Variants in NPY observed in about 807,000 individuals in gnomAD.
NPY encodes the protein neuropeptide Y, also known as pro-neuropeptide Y.
Under a neutral mutation model 13.2 loss-of-function variants are expected in NPY, and 11 were observed. The ratio of observed to expected loss-of-function variants is 0.83; its 90% CI spans 0.52 to 1.38. The LOEUF is 1.38. Among genes scored for constraint, NPY ranks in the 40% most tolerant of loss-of-function variants. The pLI is 0.00. For missense variants in NPY, 109 were observed against 125.1 expected (o/e 0.87, Z 0.61); for synonymous variants, 51 against 55.6 (o/e 0.92, Z 0.37).
Position 24,291,649 on chromosome 7 carries a change from C to T in NPY, c.270-14C>T, listed in dbSNP as rs1372923934. 4 of 1,614,000 alleles carry T rather than the reference C, an allele frequency of 2.5e-6. No individual in the cohort carries two copies. Among genetic ancestry groups the T allele is most frequent in the Non-Finnish European group, 3.4e-6 (4 of 1,179,950 alleles). On this transcript the variant is annotated splice_polypyrimidine_tract_variant and intron_variant, in intron 3 of 3. Coordinates refer to ENST00000242152, the MANE Select transcript of NPY (RefSeq NM_000905.4). Reference sequence around the variant, plus strand: ...GCAGCTTTCCTTACATGCTTTGCTTCTTATGTTTTACAGGCTTGAAGACCC... The same window carrying T: ...GCAGCTTTCCTTACATGCTTTGCTTTTTATGTTTTACAGGCTTGAAGACCC...
At chr7:24,289,024 T>C (rs958938946) in intron 2 of NPY, among the ~76,000 whole-genome samples, 1 of 152,198 alleles carries the variant, frequency 6.6e-6, no homozygotes, top group Non-Finnish European at 1.5e-5. Context: ...GGCAATCTGC[T>C]GATTTTTTTT....
intron 3 of NPY, among the ~76,000 whole-genome samples, chr7:24,290,244 G>A (rs1787552271): frequency 6.6e-6 from 1 of 152,144 alleles, no homozygotes. Flanking sequence ...ATTGAGCTAA[G>A]GTTTTCTGGT....
rs530080542 is a variant in NPY, at chr7:24,291,742, G to A, written c.*55G>A. On this transcript the variant is annotated 3_prime_UTR_variant, in exon 4 of 4. Transcript: ENST00000242152. ...TCCTATTTTCAGCCCATATTTCATC[G>A]TGTAAAACGAGAATCCACCCATCCT... 13 of 1,606,512 alleles carry A rather than the reference G, an allele frequency of 8.1e-6. No individual in the cohort carries two copies. Among genetic ancestry groups the A allele is most frequent in the Admixed American group, 3.3e-5 (2 of 59,802 alleles).
Position 24,285,485 on chromosome 7 carries a change from C to A in NPY, c.188+57C>A. Reference sequence around the variant, plus strand: ...CGCCAGTGCCTGCACACCAGGAGATCCTGGGGATGTTAGGGAAAGGGATTG... The same window carrying A: ...CGCCAGTGCCTGCACACCAGGAGATACTGGGGATGTTAGGGAAAGGGATTG... On this transcript the variant is annotated intron_variant, in intron 2 of 3. Transcript: ENST00000242152. The surrounding 1 kb of genome is among the most constrained non-coding windows in gnomAD (Gnocchi z 4.9). 1 of 1,536,902 alleles carries A rather than the reference C, an allele frequency of 6.5e-7. No individual in the cohort carries two copies. Among genetic ancestry groups the A allele is most frequent in the South Asian group, 1.2e-5 (1 of 85,116 alleles).
chr7:24,286,868 C>T (rs544440098), intron 2 of NPY, among the ~76,000 whole-genome samples: 1 of 152,216 alleles, frequency 6.6e-6, no homozygotes, highest in South Asian at 2.1e-4. Context: ...TCTAGAAAAA[C>T]CTTTGTTAGT....
Position 24,289,579 on chromosome 7 carries a change from G to C in NPY, c.269G>C (p.Arg90Pro). ...AGCACAGAAAATGTTCCCAGAACTC[G>C]GTATGACAAGGCTTGTGATGGGGAC... Reference protein sequence around the residue: ...RESTENVPRTRLEDPAMW With the variant: ...RESTENVPRTPLEDPAMW The change falls in exon 3 of 4, where the codon CGG becomes CCG. Residue 90 changes from arginine (R) to proline (P), a missense_variant and splice_region_variant. By Grantham distance (103) the Arg-to-Pro change is moderately radical. Coordinates refer to ENST00000242152, the MANE Select transcript of NPY (RefSeq NM_000905.4). The C allele has an allele frequency of 6.2e-7, 1 of 1,608,830 alleles. No individual in the cohort carries two copies. The highest frequency in any genetic ancestry group is 8.5e-7 in the Non-Finnish European group (1 of 1,177,024).
At chr7:24,291,408 C>A (rs1583577773) in intron 3 of NPY, among the ~76,000 whole-genome samples, 1 of 152,108 alleles carries the variant, frequency 6.6e-6, no homozygotes, top group South Asian at 2.1e-4. Context: ...ACATACAGAG[C>A]CTTTCAAATG....
chr7:24,285,091 T>A lies in NPY; in HGVS notation c.1-150T>A. The A allele has an allele frequency of 1.2e-6, 1 of 815,718 alleles. No individual in the cohort carries two copies. Among genetic ancestry groups the A allele is most frequent in the Middle Eastern group, 3.4e-4 (1 of 2,912 alleles). The allele number at this position is 815,718 out of a possible 1,614,324, so 50.5% of individuals were successfully genotyped here. ...GAGCCCGCAAGGTGGTGCTAGCCACTCCTGGGTTCTCTCTGCGGGACTGGG... is the reference window on the plus strand; with the variant it reads ...GAGCCCGCAAGGTGGTGCTAGCCACACCTGGGTTCTCTCTGCGGGACTGGG... On this transcript the variant is annotated intron_variant, in intron 1 of 3. Coordinates refer to ENST00000242152, the MANE Select transcript of NPY (RefSeq NM_000905.4). This position sits in a 1 kb window ranked among gnomAD's most constrained non-coding sequence, Gnocchi z 4.9.
Position 24,291,658 on chromosome 7 carries a change from T to C in NPY, c.270-5T>C. On this transcript the variant is annotated splice_region_variant and splice_polypyrimidine_tract_variant and intron_variant, in intron 3 of 3. Transcript: ENST00000242152. Reference sequence around the variant, plus strand: ...CTTACATGCTTTGCTTCTTATGTTTTACAGGCTTGAAGACCCTGCAATGTG... The same window carrying C: ...CTTACATGCTTTGCTTCTTATGTTTCACAGGCTTGAAGACCCTGCAATGTG... 1 of 1,614,180 alleles carries C rather than the reference T, an allele frequency of 6.2e-7. No individual in the cohort carries two copies. The highest frequency in any genetic ancestry group is 2.2e-5 in the East Asian group (1 of 44,890).
rs5573 is a variant in NPY, at chr7:24,285,390, G to T, written c.150G>T (p.Ser50=). 1.2e-6 allele frequency: 2 copies of T among 1,613,378 alleles called. No homozygotes were observed. Among genetic ancestry groups the T allele is most frequent in the South Asian group, 1.1e-5 (1 of 91,050 alleles). Residue 50 remains serine, a synonymous_variant, in exon 2 of 4, where the codon TCG becomes TCT. Transcript: ENST00000242152. This position sits in a 1 kb window ranked among gnomAD's most constrained non-coding sequence, Gnocchi z 4.9. ...APAEDMARYY[S]ALRHYINLIT... ...CGGAGGACATGGCCAGATACTACTC[G>T]GCGCTGCGACACTACATCAACCTCA...
In NPY at chr7:24,291,765, C is replaced by T. The variant is rs1438934386; in HGVS notation, c.*78C>T. The T allele has an allele frequency of 6.7e-7, 1 of 1,498,680 alleles. No individual in the cohort carries two copies. The highest frequency in any genetic ancestry group is 1.4e-5 in the African/African-American group (1 of 72,570). The allele number at this position is 1,498,680 out of a possible 1,614,324, so 92.8% of individuals were successfully genotyped here. A position where few individuals can be genotyped will look rare whatever the true frequency, so the allele number is the denominator to read the frequency against. ...TCGTGTAAAACGAGAATCCACCCAT[C>T]CTACCAATGCATGCAGCCACTGTGC... On this transcript the variant is annotated 3_prime_UTR_variant, in exon 4 of 4. Transcript: ENST00000242152.
At chr7:24,286,064 C>T (rs886916803) in intron 2 of NPY, among the ~76,000 whole-genome samples, 1 of 152,170 alleles carries the variant, frequency 6.6e-6, no homozygotes, top group Non-Finnish European at 1.5e-5. Flanking sequence ...ATCTAAAATG[C>T]AGAGGTCTCC....
chr7:24,286,287 C>T (rs1787374590), intron 2 of NPY, among the ~76,000 whole-genome samples: 1 of 146,848 alleles, frequency 6.8e-6, no homozygotes, highest in Non-Finnish European at 1.5e-5. Context: ...CAAATCCAAA[C>T]TATTTTACAA....
At chr7:24,284,894 G>A (rs1787295463) in intron 1 of NPY, 1 of 379,586 alleles carries the variant, frequency 2.6e-6, no homozygotes, top group East Asian at 6.2e-5. Context: ...TGGGCAAGAA[G>A]GGAGAAAAGT....
intron 3 of NPY, 40 bp downstream of exon 3, chr7:24,289,619 C>A: frequency 6.5e-7 from 1 of 1,534,504 alleles, no homozygotes; most frequent in South Asian, 1.2e-5. Flanking sequence ...TTGCAGAGCT[C>A]AAGGTGCCCA....
At chr7:24,289,432 T>C in intron 2 of NPY, 67 bp from the exon 3 acceptor site, 2 of 1,091,006 alleles carry the variant, frequency 1.8e-6, no homozygotes, top group Non-Finnish European at 2.7e-6. Flanking sequence ...TAGGAGACTA[T>C]CTTCCTTTTT....
At position 24,285,757 on chromosome 7, in the gene NPY, G is replaced by T. The variant is rs532559869; in HGVS notation, c.188+329G>T. 2.0e-5 allele frequency among the ~76,000 whole-genome samples: 3 copies of T among 152,170 alleles called. No homozygotes were observed. The highest frequency in any genetic ancestry group is 7.2e-5 in the African/African-American group (3 of 41,520). ...GGGGCCCGGTCCAGAAATCTCGAAA[G>T]TACCCAGTGAAAGGGGCAAGAATGC... On this transcript the variant is annotated intron_variant, in intron 2 of 3. Coordinates refer to ENST00000242152, the MANE Select transcript of NPY (RefSeq NM_000905.4). This position sits in a 1 kb window ranked among gnomAD's most constrained non-coding sequence, Gnocchi z 4.9.
At chr7:24,286,102 AG>A (rs1787365192) in intron 2 of NPY, among the ~76,000 whole-genome samples, 1 of 152,234 alleles carries the variant, frequency 6.6e-6, no homozygotes. Context: ...AATTCTGAAA[AG>A]AAAGTGCCCA....
chr7:24,286,141 C>A (rs967683249), intron 2 of NPY, among the ~76,000 whole-genome samples: 3 of 152,116 alleles, frequency 2.0e-5, no homozygotes, highest in Non-Finnish European at 4.4e-5. Flanking sequence ...AAGAAACTTA[C>A]GTTGGTCCAG....
Sources: gnomAD v4.1 joint callset for allele counts (sites outside exome capture counted in the v4.1 genomes callset) on GRCh38, gnomAD v4.1.1 for gene constraint, Gnocchi (gnomAD v3.1) non-coding constraint, MANE v1.5 for transcripts, NCBI Gene and HGNC (gene_info 2026-07-23, HGNC 2026-07-21) for gene names.